MAST2: variants seen among roughly 807,000 people sequenced by gnomAD.
MAST2 encodes the protein microtubule-associated serine/threonine-protein kinase 2.
MAST2 carries 70 observed loss-of-function variants against 147.4 expected under a neutral mutation model. The observed-to-expected ratio is 0.47, with a 90% CI of 0.39 to 0.58. The LOEUF is 0.58. MAST2 is among the 20% of genes least tolerant of loss of function. The pLI, the probability that MAST2 is intolerant of heterozygous loss-of-function variation, is 0.00. For synonymous variants in MAST2, 869 were observed against 896.8 expected (o/e 0.97, Z 0.55); for missense variants, 2,080 against 2,302.3 (o/e 0.90, Z 1.98).
chr1:45,987,777 A>ATTTTTTTTTTT, intron 5 of MAST2, among the ~76,000 whole-genome samples: 61 of 21,806 alleles, frequency 2.8e-3, no homozygotes, highest in African/African-American at 3.4e-3. Context: ...TTTTTTTTTG[A>ATTTTTTTTTTT]TTTTTTTTTT....
At chr1:45,924,002 G>C (rs1653952443) in intron 4 of MAST2, among the ~76,000 whole-genome samples, 1 of 152,104 alleles carries the variant, frequency 6.6e-6, no homozygotes, top group Non-Finnish European at 1.5e-5. Flanking sequence ...CTCCCCAGTA[G>C]CTGGGATTAC....
chr1:45,834,617 C>T (rs372737152), intron 3 of MAST2, among the ~76,000 whole-genome samples: 2 of 152,072 alleles, frequency 1.3e-5, no homozygotes, highest in South Asian at 4.1e-4. Flanking sequence ...TATTTGTATT[C>T]TTAAAATATA....
At chr1:45,959,988 C>T (rs1194504485) in intron 5 of MAST2, among the ~76,000 whole-genome samples, 1 of 152,140 alleles carries the variant, frequency 6.6e-6, no homozygotes, top group African/African-American at 2.4e-5. Context: ...CCAGGCTGGT[C>T]TTGAAATCCT....
At chr1:45,977,521 C>T (rs1277302838) in intron 5 of MAST2, among the ~76,000 whole-genome samples, 1 of 151,276 alleles carries the variant, frequency 6.6e-6, no homozygotes, top group Non-Finnish European at 1.5e-5. Context: ...ACAAAAAGGC[C>T]GGGTGCAGTG....
intron 4 of MAST2, among the ~76,000 whole-genome samples, chr1:45,923,407 C>T (rs564336181): frequency 2.0e-5 from 3 of 152,300 alleles, no homozygotes; most frequent in Admixed American, 6.5e-5. Flanking sequence ...CATATGCAAT[C>T]GAGAATTTAT....
At chr1:45,832,507 C>T (rs955730051) in intron 3 of MAST2, among the ~76,000 whole-genome samples, 3 of 152,080 alleles carry the variant, frequency 2.0e-5, no homozygotes, top group Non-Finnish European at 4.4e-5. Context: ...GTTGGCCAGG[C>T]TGGTCTTGAA....
At chr1:45,871,606 C>A (rs1646397276) in intron 3 of MAST2, among the ~76,000 whole-genome samples, 1 of 152,156 alleles carries the variant, frequency 6.6e-6, no homozygotes, top group Non-Finnish European at 1.5e-5. Context: ...CTTAGCTCAG[C>A]AGAACACGCA....
intron 10 of MAST2, 102 bp from the exon 11 acceptor site, chr1:46,019,494 C>G (rs1646095094): frequency 1.1e-6 from 1 of 873,148 alleles, no homozygotes; most frequent in East Asian, 2.5e-5. Flanking sequence ...GCTCTCTATG[C>G]TACCGAATTG....
intron 3 of MAST2, among the ~76,000 whole-genome samples, chr1:45,860,761 G>T (rs1162480349): frequency 6.6e-6 from 1 of 152,016 alleles, no homozygotes; most frequent in African/African-American, 2.4e-5. Flanking sequence ...GAACCTGGGA[G>T]GCAGAGGTTG....
At chr1:45,892,340 A>G (rs888461981) in intron 4 of MAST2, among the ~76,000 whole-genome samples, 3 of 152,198 alleles carry the variant, frequency 2.0e-5, no homozygotes, top group South Asian at 2.1e-4. Context: ...AGTCTACTCA[A>G]TTGTTAAGAG....
chr1:45,827,011 G>A (rs1175455817), intron 2 of MAST2, among the ~76,000 whole-genome samples: 1 of 151,910 alleles, frequency 6.6e-6, no homozygotes, highest in East Asian at 1.9e-4. Context: ...TGTATTTTTA[G>A]TAGAGACGGG....
In MAST2 at chr1:45,803,758, G is replaced by A. The variant is rs531213996; in HGVS notation, c.-138G>A. On this transcript the variant is annotated 5_prime_UTR_variant, in exon 1 of 29. Transcript: ENST00000361297. Reference sequence around the variant, plus strand: ...GCCCCAGAAGGCTCGAAGGCGCCGCGGGCTGGGGTCGGTGGCTTAGGGAGC... The same window carrying A: ...GCCCCAGAAGGCTCGAAGGCGCCGCAGGCTGGGGTCGGTGGCTTAGGGAGC... 2.7e-4 allele frequency: 97 copies of A among 352,984 alleles called. No individual in the cohort carries two copies. Among genetic ancestry groups the A allele is most frequent in the African/African-American group, 1.9e-3 (91 of 46,958 alleles). 21.9% of individuals were successfully genotyped at this position (352,984 alleles called of 1,614,324 possible).
intron 3 of MAST2, chr1:45,847,514 G>T: frequency 2.5e-6 from 2 of 789,966 alleles, no homozygotes; most frequent in Non-Finnish European, 4.1e-6. Flanking sequence ...TTTCTTATTT[G>T]TGGGCCTCTC....
intron 2 of MAST2, among the ~76,000 whole-genome samples, chr1:45,826,387 C>G (rs1255392461): frequency 6.6e-6 from 1 of 152,098 alleles, no homozygotes; most frequent in Non-Finnish European, 1.5e-5. Context: ...AGGGTCTCCT[C>G]TGTCGCCCAG....
At chr1:45,989,053 T>C (rs1008757063) in intron 5 of MAST2, among the ~76,000 whole-genome samples, 4 of 152,198 alleles carry the variant, frequency 2.6e-5, no homozygotes, top group African/African-American at 9.7e-5. Flanking sequence ...TCTTAGCTGA[T>C]TGACCAAAGA....
At chr1:45,956,721 T>G (rs1373143491) in intron 4 of MAST2, among the ~76,000 whole-genome samples, 2 of 152,210 alleles carry the variant, frequency 1.3e-5, no homozygotes, top group East Asian at 3.8e-4. Context: ...AGCCATGCTC[T>G]GGAGAGAGAA....
In MAST2 at chr1:46,035,913, T is replaced by G. The variant is rs781365310; in HGVS notation, c.5244T>G (p.Asp1748Glu). 2.5e-6 allele frequency: 4 copies of G among 1,614,074 alleles called. No individual in the cohort carries two copies. The East Asian group carries it at 8.9e-5, about 36-fold the overall frequency. Residue 1748 changes from aspartate to glutamate, a missense_variant, in exon 29 of 29, where the codon GAT (aspartate) becomes GAG (glutamate). Asp to Glu is a conservative substitution (Grantham distance 45). Around this residue, in one of 4 missense-constraint regions of MAST2, gnomAD observed 1,278 missense variants for 1,304.2 expected, o/e 0.98. Transcript: ENST00000361297. This position sits in a 1 kb window ranked among gnomAD's most constrained non-coding sequence, Gnocchi z 5.5. ...DPALSITQVPDASGDRRQDVP... is the reference protein window; with the variant it reads ...DPALSITQVPEASGDRRQDVP... ...CCCTGAGCATCACCCAAGTGCCTGA[T>G]GCCTCAGGTGACAGAAGGCAGGACG...
chr1:45,822,813 G>A (rs954810115), intron 1 of MAST2, among the ~76,000 whole-genome samples: 1 of 152,088 alleles, frequency 6.6e-6, no homozygotes, highest in African/African-American at 2.4e-5. Context: ...TCCTTCCCTG[G>A]TTTCTCCTTG....
chr1:45,962,842 C>T (rs559209091), intron 5 of MAST2, among the ~76,000 whole-genome samples: 1 of 152,124 alleles, frequency 6.6e-6, no homozygotes, highest in African/African-American at 2.4e-5. Flanking sequence ...CTTGCTCATG[C>T]CTATGTCCTG....
Sources: gnomAD v4.1 joint callset for allele counts (sites outside exome capture counted in the v4.1 genomes callset) on GRCh38, gnomAD v4.1.1 for gene constraint, gnomAD v4.1.1 regional missense constraint, Gnocchi (gnomAD v3.1) non-coding constraint, MANE v1.5 for transcripts, NCBI Gene and HGNC (gene_info 2026-07-23, HGNC 2026-07-21) for gene names.